ATP8A1: variants seen among roughly 807,000 people sequenced by gnomAD.
ATP8A1 encodes ATPase phospholipid transporting 8A1, also known as phospholipid-transporting ATPase IA.
ATP8A1 carries 90 observed loss-of-function variants against 177.7 expected under a neutral mutation model. That is an observed-to-expected ratio of 0.51 (90% CI 0.43 to 0.60). The LOEUF (loss-of-function observed/expected upper bound fraction) is 0.60, where lower values mean the gene tolerates loss of function less well. ATP8A1 is among the 20% of genes least tolerant of loss of function. The pLI, the probability that ATP8A1 is intolerant of heterozygous loss-of-function variation, is 0.00. For synonymous variants in ATP8A1, 493 were observed against 485.9 expected (o/e 1.01, Z -0.19); for missense variants, 1,072 against 1,392.8 (o/e 0.77, Z 3.67).
intron 24 of ATP8A1, among the ~76,000 whole-genome samples, chr4:42,488,493 C>A (rs369874844): frequency 1.3e-5 from 2 of 152,270 alleles, no homozygotes. Flanking sequence ...TTCCCTTGAG[C>A]CCTCATCATC....
chr4:42,512,024 T>C lies in ATP8A1; in HGVS notation c.1948-4870A>G, dbSNP rs576948237. Among the ~76,000 whole-genome samples, 5 of 152,310 alleles carry C rather than the reference T, an allele frequency of 3.3e-5. No individual in the cohort carries two copies. In the East Asian group the frequency reaches 7.7e-4, roughly 23 times the overall value. ...TTTATTTCCATATGAAATAAGATTA[T>C]GACTAGGAAGATGTTGAAGAGGAAA... On this transcript the variant is annotated intron_variant, in intron 22 of 36. Transcript: ENST00000381668.
chr4:42,414,632 A>C lies in ATP8A1; in HGVS notation c.3392T>G (p.Leu1131Arg). 6.2e-7 allele frequency: 1 copy of C among 1,613,506 alleles called. No individual in the cohort carries two copies. ...LYRSESLQQN[L>R]LHGYAFSQDE... ...TAAGAAACTCAAATACTCACGGAGC[A>C]GATTTTGTTGCAAGGATTCAGAGCG... Residue 1131 changes from leucine (L) to arginine (R), a missense_variant, in exon 36 of 37, where the codon CTG (leucine) becomes CGG (arginine). Physicochemically the swap from Leu to Arg is moderately radical, Grantham distance 102 (BLOSUM62 -2). This residue lies in a region of ATP8A1 where 316 missense variants were observed against 459.1 expected (regional missense o/e 0.69). Coordinates refer to ENST00000381668, the MANE Select transcript of ATP8A1 (RefSeq NM_006095.2).
intron 1 of ATP8A1, among the ~76,000 whole-genome samples, chr4:42,651,101 G>A (rs376676977): frequency 1.6e-4 from 24 of 152,264 alleles, no homozygotes; most frequent in Non-Finnish European, 3.4e-4. Context: ...CCCTGCACAA[G>A]CTCTCTCTGC....
chr4:42,543,007 A>G (rs1014020680), intron 20 of ATP8A1, among the ~76,000 whole-genome samples: 3 of 152,208 alleles, frequency 2.0e-5, no homozygotes, highest in Non-Finnish European at 4.4e-5. Context: ...AATGCATACA[A>G]TGAAAAAATG....
chr4:42,460,538 C>A (rs546433337), intron 27 of ATP8A1, among the ~76,000 whole-genome samples: 1 of 152,090 alleles, frequency 6.6e-6, no homozygotes, highest in Admixed American at 6.5e-5. Context: ...CAGGCAACTG[C>A]CACCATGCCC....
At chr4:42,433,545 G>A (rs1303880859) in intron 33 of ATP8A1, among the ~76,000 whole-genome samples, 2 of 152,122 alleles carry the variant, frequency 1.3e-5, no homozygotes, top group Non-Finnish European at 2.9e-5. Context: ...ACTAAAGGGT[G>A]TTTCAGATAA....
intron 4 of ATP8A1, among the ~76,000 whole-genome samples, chr4:42,616,601 A>G (rs1045250697): frequency 6.6e-6 from 1 of 152,146 alleles, no homozygotes; most frequent in African/African-American, 2.4e-5. Context: ...AACGATGTCT[A>G]CCACTGGCAT....
intron 14 of ATP8A1, among the ~76,000 whole-genome samples, chr4:42,571,569 G>C (rs1039462876): frequency 1.6e-4 from 24 of 151,412 alleles, no homozygotes; most frequent in African/African-American, 5.6e-4. Flanking sequence ...TACCTATTCC[G>C]GGTATTCAAG....
chr4:42,626,963 C>G, intron 2 of ATP8A1, 32 bp downstream of exon 2: 1 of 1,534,650 alleles, frequency 6.5e-7, no homozygotes, highest in Non-Finnish European at 9.0e-7. Flanking sequence ...GCTCTGCTGG[C>G]TGGTCTCATG....
In ATP8A1 at chr4:42,452,007, CA is replaced by C; in HGVS notation, c.2869del (p.Trp957GlyfsTer4). ...ATACTGAAGGGCTTTTAGTGGAAACCAAAACAGAATAACTGAGTGGAAGAGG... is the reference window on the plus strand; with the variant it reads ...ATACTGAAGGGCTTTTAGTGGAAACCAAACAGAATAACTGAGTGGAAGAGG... Reference protein sequence around the residue: ...NGLFHSVILFWFPLKALQYGT... With the variant: ...NGLFHSVILFXFPLKALQYGT... On this transcript the variant is annotated frameshift_variant, in exon 30 of 37. Transcript: ENST00000381668. LOFTEE classifies it high-confidence loss of function. The C allele has an allele frequency of 6.2e-7, 1 of 1,612,956 alleles. No homozygotes were observed. The highest frequency in any genetic ancestry group is 8.5e-7 in the Non-Finnish European group (1 of 1,179,366).
intron 2 of ATP8A1, chr4:42,626,620 C>T (rs189502870): frequency 4.2e-6 from 1 of 240,460 alleles, no homozygotes; most frequent in Admixed American, 5.4e-5. Flanking sequence ...ACTATATAAC[C>T]AGAAGGAATT....
At chr4:42,635,614 T>A (rs1739188062) in intron 1 of ATP8A1, among the ~76,000 whole-genome samples, 1 of 151,548 alleles carries the variant, frequency 6.6e-6, no homozygotes, top group African/African-American at 2.4e-5. Flanking sequence ...AAGATGGAAT[T>A]ATTAGCATTA....
intron 25 of ATP8A1, among the ~76,000 whole-genome samples, chr4:42,483,679 T>C (rs1238923353): frequency 1.3e-5 from 2 of 152,160 alleles, no homozygotes; most frequent in Admixed American, 6.5e-5. Flanking sequence ...TCTAGTTTTT[T>C]CTCTCCCTCT....
intron 23 of ATP8A1, among the ~76,000 whole-genome samples, chr4:42,506,118 T>C (rs762495154): frequency 5.9e-5 from 9 of 152,174 alleles, no homozygotes; most frequent in Admixed American, 1.3e-4. Context: ...TAGGTTTCAA[T>C]GAGACCATAA....
intron 33 of ATP8A1, among the ~76,000 whole-genome samples, chr4:42,440,211 C>A (rs1177689706): frequency 1.3e-5 from 2 of 152,224 alleles, no homozygotes; most frequent in Non-Finnish European, 2.9e-5. Context: ...CTCCGGGCCC[C>A]ACACACCATG....
chr4:42,433,278 G>A (rs570903245), intron 33 of ATP8A1, among the ~76,000 whole-genome samples: 24 of 122,348 alleles, frequency 2.0e-4, no homozygotes, highest in Admixed American at 2.0e-3. Flanking sequence ...GGCGTCCAGC[G>A]CTCTCTTCTC....
intron 25 of ATP8A1, among the ~76,000 whole-genome samples, chr4:42,470,720 G>A (rs1720305679): frequency 6.6e-6 from 1 of 152,248 alleles, no homozygotes; most frequent in Non-Finnish European, 1.5e-5. Flanking sequence ...AAGGAACATA[G>A]TATTTTCTAG....
At chr4:42,636,129 C>T (rs1739317782) in intron 1 of ATP8A1, among the ~76,000 whole-genome samples, 1 of 32,544 alleles carries the variant, frequency 3.1e-5, no homozygotes, top group Non-Finnish European at 7.6e-5. Context: ...TACACACACA[C>T]ACACACACAC....
At chr4:42,592,128 T>C (rs1050616346) in intron 6 of ATP8A1, among the ~76,000 whole-genome samples, 7 of 152,182 alleles carry the variant, frequency 4.6e-5, no homozygotes, top group African/African-American at 1.4e-4. Flanking sequence ...GCTACTTGGA[T>C]TGAAATGTCT....
Sources: allele counts gnomAD v4.1 joint callset (sites outside exome capture counted in the v4.1 genomes callset), GRCh38; gene constraint gnomAD v4.1.1; regional missense constraint gnomAD v4.1.1; transcripts MANE v1.5; gene names NCBI Gene and HGNC (gene_info 2026-07-23, HGNC 2026-07-21).